NRP1: variants seen among roughly 807,000 people sequenced by gnomAD.
NRP1 encodes neuropilin 1, also known as neuropilin-1.
A neutral mutation model predicts 106.7 loss-of-function variants in NRP1; 35 were observed. The ratio of observed to expected loss-of-function variants is 0.33; its 90% CI spans 0.25 to 0.43. NRP1 has a LOEUF of 0.43. Ranked by LOEUF, NRP1 falls within the 20% of genes least tolerant of loss-of-function variation. The probability of loss-of-function intolerance (pLI) is 1.00; values close to 1 mark genes in which losing one functional copy is unlikely to be tolerated. For missense variants in NRP1, 1,024 were observed against 1,170.4 expected, an observed-to-expected ratio of 0.87 and a Z score of 1.83; for synonymous variants, 437 against 417.9, an observed-to-expected ratio of 1.05 and a Z score of -0.56.
chr10:33,323,346 C>T (rs147468758), intron 2 of NRP1, among the ~76,000 whole-genome samples: 37 of 152,092 alleles, frequency 2.4e-4, no homozygotes, highest in Non-Finnish European at 4.1e-4. Flanking sequence ...GCAATAAAGA[C>T]CTGGGCTTGA....
chr10:33,192,565 A>G (rs540154028), intron 12 of NRP1, 147 bp from the exon 13 acceptor site: 1 of 784,980 alleles, frequency 1.3e-6, no homozygotes, highest in African/African-American at 1.7e-5. Flanking sequence ...AGCCAGGATT[A>G]CCAAGAAACC....
chr10:33,271,918 A>G (rs964298231), intron 2 of NRP1, among the ~76,000 whole-genome samples: 1 of 152,242 alleles, frequency 6.6e-6, no homozygotes, highest in Non-Finnish European at 1.5e-5. Context: ...TCTTGAAATG[A>G]CATGAAAACA....
In NRP1 at chr10:33,207,588, C is replaced by T. The variant is rs766527037; in HGVS notation, c.1743G>A (p.Leu581=). 1.2e-6 allele frequency: 2 copies of T among 1,614,166 alleles called. No homozygotes were observed. Among genetic ancestry groups the T allele is most frequent in the Non-Finnish European group, 1.7e-6 (2 of 1,180,018 alleles). Residue 581 remains leucine, a synonymous_variant, in exon 10 of 17, where the codon CTG becomes CTA. Coordinates refer to ENST00000374867, the MANE Select transcript of NRP1 (RefSeq NM_003873.7). The part of the protein sequence containing the change: ...HGGLGLRMEL[L]GCEVEAPTAG... ...CATAATTACCTTCCACTTCACAGCC[C>T]AGCAGCTCCATTCTGAGCCCCAGTC... is the stretch of plus-strand genomic sequence containing the variant.
Position 33,180,203 on chromosome 10 carries a change from G to T in NRP1, c.2645C>A (p.Ala882Asp), listed in dbSNP as rs1377047297. ...GAVCGVVLYCACWHNGMSERN... is the reference protein window; with the variant it reads ...GAVCGVVLYCDCWHNGMSERN... ...TTCTGACATCCCATTATGCCAACAG[G>T]CACAGTACAGCACGACCCCACAGAC... The change falls in exon 17 of 17, where the codon GCC (alanine) becomes GAC (aspartate). Residue 882 changes from alanine to aspartate, a missense_variant. Physicochemically the swap from Ala to Asp is moderately radical, Grantham distance 126. Coordinates refer to ENST00000374867, the MANE Select transcript of NRP1 (RefSeq NM_003873.7). The T allele has an allele frequency of 1.9e-6, 3 of 1,613,902 alleles. No homozygotes were observed. The highest frequency in any genetic ancestry group is 2.5e-6 in the Non-Finnish European group (3 of 1,180,034).
intron 4 of NRP1, among the ~76,000 whole-genome samples, chr10:33,260,675 C>G (rs1349338142): frequency 6.6e-6 from 1 of 152,168 alleles, no homozygotes; most frequent in Non-Finnish European, 1.5e-5. Flanking sequence ...ACTTGTGAAT[C>G]CATACAGCTT....
At chr10:33,280,175 A>G (rs1844011451) in intron 2 of NRP1, among the ~76,000 whole-genome samples, 1 of 152,230 alleles carries the variant, frequency 6.6e-6, no homozygotes, top group African/African-American at 2.4e-5. Flanking sequence ...GAGGAGTTTC[A>G]TTTCATAATT....
intron 2 of NRP1, among the ~76,000 whole-genome samples, chr10:33,317,144 C>A (rs1223451846): frequency 1.3e-5 from 2 of 152,236 alleles, no homozygotes; most frequent in African/African-American, 2.4e-5. Flanking sequence ...ATTGGGTCTC[C>A]CAGCCACATC....
intron 8 of NRP1, among the ~76,000 whole-genome samples, chr10:33,217,416 G>C (rs372475548): frequency 6.6e-6 from 1 of 151,324 alleles, no homozygotes; most frequent in South Asian, 2.1e-4. Context: ...ATTTACCTTT[G>C]ACTGAAAACT....
intron 6 of NRP1, among the ~76,000 whole-genome samples, chr10:33,248,273 G>C (rs1185206471): frequency 6.6e-6 from 1 of 152,160 alleles, no homozygotes; most frequent in African/African-American, 2.4e-5. Context: ...CTGGGCAACA[G>C]AGCGAGACTC....
At chr10:33,245,976 T>C (rs761647418) in intron 6 of NRP1, among the ~76,000 whole-genome samples, 2 of 152,212 alleles carry the variant, frequency 1.3e-5, no homozygotes, top group Non-Finnish European at 2.9e-5. Context: ...TTGGTGATGC[T>C]TCATCATCAA....
intron 7 of NRP1, among the ~76,000 whole-genome samples, chr10:33,225,570 G>C (rs1252620109): frequency 1.3e-5 from 2 of 152,220 alleles, no homozygotes; most frequent in South Asian, 2.1e-4. Flanking sequence ...ACACGGTATG[G>C]TCTGTGCTGC....
chr10:33,204,041 AT>A (rs894553128), intron 10 of NRP1, among the ~76,000 whole-genome samples: 8 of 151,696 alleles, frequency 5.3e-5, no homozygotes, highest in South Asian at 2.1e-4. Flanking sequence ...TCGTTCAGAT[AT>A]TTTTTTTAGC....
intron 2 of NRP1, among the ~76,000 whole-genome samples, chr10:33,275,073 C>A (rs1006412782): frequency 6.6e-6 from 1 of 152,122 alleles, no homozygotes; most frequent in African/African-American, 2.4e-5. Flanking sequence ...AATGGTGGAG[C>A]TAGGAGGAGC....
At chr10:33,222,589 C>T (rs1339406395) in intron 7 of NRP1, among the ~76,000 whole-genome samples, 1 of 151,788 alleles carries the variant, frequency 6.6e-6, no homozygotes. Context: ...GATGCGATCT[C>T]GGCTCACTGC....
At chr10:33,295,483 G>A (rs1371919882) in intron 2 of NRP1, among the ~76,000 whole-genome samples, 1 of 152,194 alleles carries the variant, frequency 6.6e-6, no homozygotes, top group Non-Finnish European at 1.5e-5. Flanking sequence ...TGAGGTGGGA[G>A]GACTGCTTGA....
At chr10:33,185,582 G>T in intron 15 of NRP1, 46 bp downstream of exon 15, 2 of 1,418,724 alleles carry the variant, frequency 1.4e-6, no homozygotes, top group South Asian at 1.2e-5. Context: ...CAAGAGTCTT[G>T]CCCTGGGCAA....
In NRP1 at chr10:33,292,443, C is replaced by CA. The variant is rs773799780; in HGVS notation, c.249-21588dup. The stretch of plus-strand genomic sequence containing the variant: ...CAAAGTGGTTTTTAAAATCTTCATT[C>CA]AAAAAAATATATATGCATTTTGAAG... On this transcript the variant is annotated intron_variant, in intron 2 of 16. Coordinates refer to ENST00000374867, the MANE Select transcript of NRP1 (RefSeq NM_003873.7). 1.7e-4 allele frequency among the ~76,000 whole-genome samples: 26 copies of CA among 152,012 alleles called. No individual in the cohort carries two copies. The East Asian group carries it at 3.5e-3, about 20-fold the overall frequency.
intron 6 of NRP1, among the ~76,000 whole-genome samples, chr10:33,253,318 C>A (rs554089640): frequency 6.6e-6 from 1 of 151,712 alleles, no homozygotes; most frequent in African/African-American, 2.4e-5. Flanking sequence ...ATGGGGTCAG[C>A]GGTGGGGATG....
intron 6 of NRP1, among the ~76,000 whole-genome samples, chr10:33,227,510 C>A (rs1186740813): frequency 1.3e-5 from 2 of 152,200 alleles, no homozygotes; most frequent in African/African-American, 2.4e-5. Context: ...TCTCTCCTTG[C>A]AGCTCAGTTT....
Sources: allele counts gnomAD v4.1 joint callset (sites outside exome capture counted in the v4.1 genomes callset), GRCh38; gene constraint gnomAD v4.1.1; transcripts MANE v1.5; gene names NCBI Gene and HGNC (gene_info 2026-07-23, HGNC 2026-07-21).